SGO2: variants seen among roughly 807,000 people sequenced by gnomAD.
SGO2 encodes shugoshin 2, also known as shugoshin-like 2.
A neutral mutation model predicts 99.5 loss-of-function variants in SGO2; 68 were observed. The ratio of observed to expected loss-of-function variants is 0.68; its 90% CI spans 0.56 to 0.84. The LOEUF (loss-of-function observed/expected upper bound fraction) is 0.84. Among genes scored for constraint, SGO2 ranks in the 40% least tolerant of loss-of-function variants. The probability of loss-of-function intolerance (pLI) is 0.00; values close to 1 mark genes in which losing one functional copy is unlikely to be tolerated. For missense variants in SGO2, 1,350 were observed against 1,436.7 expected (o/e 0.94, Z 0.97); for synonymous variants, 457 against 487.1 (o/e 0.94, Z 0.81).
chr2:200,544,240 G>A (rs2032101333), intron 5 of SGO2, among the ~76,000 whole-genome samples: 1 of 152,100 alleles, frequency 6.6e-6, no homozygotes, highest in Non-Finnish European at 1.5e-5. Flanking sequence ...ATACTACAAT[G>A]TATCCATTCT....
intron 5 of SGO2, among the ~76,000 whole-genome samples, chr2:200,550,707 AT>A (rs2032442936): frequency 6.6e-6 from 1 of 152,176 alleles, no homozygotes; most frequent in African/African-American, 2.4e-5. Flanking sequence ...AAAGATTTGA[AT>A]CTAAGACCCA....
At chr2:200,533,816 C>A (rs2031555291) in intron 2 of SGO2, among the ~76,000 whole-genome samples, 1 of 152,094 alleles carries the variant, frequency 6.6e-6, no homozygotes, top group Non-Finnish European at 1.5e-5. Flanking sequence ...ACAACCCAGC[C>A]TCCTGGGTGC....
At chr2:200,565,901 T>G (rs544841717) in intron 5 of SGO2, among the ~76,000 whole-genome samples, 1 of 152,340 alleles carries the variant, frequency 6.6e-6, no homozygotes, top group East Asian at 1.9e-4. Flanking sequence ...CATGCCATGG[T>G]TTTCAGCTCC....
intron 8 of SGO2, among the ~76,000 whole-genome samples, chr2:200,580,102 A>G (rs187643160): frequency 1.3e-5 from 2 of 152,252 alleles, no homozygotes. Flanking sequence ...TTTTGTGTGT[A>G]TGAAAATTAG....
Position 200,569,835 on chromosome 2 carries a change from G to A in SGO2, c.646G>A (p.Val216Ile), listed in dbSNP as rs752641293. ...VLFLKENNQN[V>I]YGLDDSEHIS... ...ATTTCTTAAAGAAAATAATCAAAAT[G>A]TATATGGTTTAGATGATTCAGAACA... Residue 216 changes from valine (V) to isoleucine (I), a missense_variant, in exon 6 of 9, where the codon GTA becomes ATA. Coordinates refer to ENST00000357799, the MANE Select transcript of SGO2 (RefSeq NM_152524.6). 9.3e-6 allele frequency: 15 copies of A among 1,605,352 alleles called. No individual in the cohort carries two copies. In the Admixed American group the frequency reaches 1.8e-4, roughly 20 times the overall value.
chr2:200,535,032 A>G lies in SGO2; in HGVS notation c.170A>G (p.Asn57Ser), dbSNP rs1327053428. 5.2e-6 allele frequency: 8 copies of G among 1,541,660 alleles called. No homozygotes were observed. The highest frequency in any genetic ancestry group is 6.9e-6 in the Non-Finnish European group (8 of 1,156,434). Reference sequence around the variant, plus strand: ...ATTTTCAAAATATCTTTAAAGCACAACAACAGGGCATTAGCTCAGGCTCTT... The same window carrying G: ...ATTTTCAAAATATCTTTAAAGCACAGCAACAGGGCATTAGCTCAGGCTCTT... Reference protein sequence around the residue: ...SSIFKISLKHNNRALAQALSR... With the variant: ...SSIFKISLKHSNRALAQALSR... Residue 57 changes from asparagine (N) to serine (S), a missense_variant, in exon 3 of 9, where the codon AAC becomes AGC. Transcript: ENST00000357799.
Position 200,548,607 on chromosome 2 carries a change from C to G in SGO2, c.473+5943C>G, listed in dbSNP as rs12104945. 2.0e-3 allele frequency among the ~76,000 whole-genome samples: 305 copies of G among 151,952 alleles called. 1 individual carries two copies. Among genetic ancestry groups the G allele is most frequent in the African/African-American group, 6.9e-3 (287 of 41,438 alleles). On this transcript the variant is annotated intron_variant, in intron 5 of 8. Coordinates refer to ENST00000357799, the MANE Select transcript of SGO2 (RefSeq NM_152524.6). ...CCCAAGTTAGCAGAAGAAATAATAA[C>G]GATCAGAGCAGAAATAAATAAAATT... is the stretch of plus-strand genomic sequence containing the variant.
intron 5 of SGO2, among the ~76,000 whole-genome samples, chr2:200,546,823 G>A (rs919413648): frequency 6.6e-6 from 1 of 151,954 alleles, no homozygotes; most frequent in African/African-American, 2.4e-5. Context: ...CACAGTCAGA[G>A]GAGAAAAATA....
chr2:200,532,873 A>C (rs1373148969), intron 1 of SGO2, 101 bp from the exon 2 acceptor site: 6 of 1,202,490 alleles, frequency 5.0e-6, no homozygotes, highest in East Asian at 2.7e-5. Flanking sequence ...CTTAATGCAC[A>C]AAGTATATTA....
chr2:200,558,401 C>A (rs2032807192), intron 5 of SGO2, among the ~76,000 whole-genome samples: 1 of 151,742 alleles, frequency 6.6e-6, no homozygotes, highest in Non-Finnish European at 1.5e-5. Flanking sequence ...CTAATTTTTT[C>A]TTTTTTCTAT....
intron 8 of SGO2, among the ~76,000 whole-genome samples, chr2:200,578,722 C>T (rs1447559114): frequency 6.6e-6 from 1 of 152,200 alleles, no homozygotes; most frequent in East Asian, 1.9e-4. Context: ...AATGTCATCT[C>T]GGAAGTGAGA....
At chr2:200,562,876 T>C (rs2033029907) in intron 5 of SGO2, among the ~76,000 whole-genome samples, 1 of 152,222 alleles carries the variant, frequency 6.6e-6, no homozygotes, top group African/African-American at 2.4e-5. Flanking sequence ...TATTGGTGTA[T>C]AGGAATGCTT....
intron 5 of SGO2, among the ~76,000 whole-genome samples, chr2:200,567,898 T>C (rs1198403731): frequency 6.6e-6 from 1 of 152,262 alleles, no homozygotes; most frequent in East Asian, 1.9e-4. Context: ...TTGGCTATTA[T>C]GAATAATGCT....
intron 8 of SGO2, among the ~76,000 whole-genome samples, chr2:200,576,734 A>G (rs894736970): frequency 1.3e-5 from 2 of 152,154 alleles, no homozygotes; most frequent in Non-Finnish European, 2.9e-5. Flanking sequence ...GCAACCACTA[A>G]TCAACTTCTT....
intron 8 of SGO2, chr2:200,576,204 G>A: frequency 4.3e-6 from 1 of 234,210 alleles, no homozygotes; most frequent in Non-Finnish European, 8.6e-6. Context: ...GTGAAATTAA[G>A]GACCAAGGGG....
At chr2:200,533,270 G>A (rs2031508903) in intron 2 of SGO2, 162 bp downstream of exon 2, 2 of 690,998 alleles carry the variant, frequency 2.9e-6, no homozygotes, top group Non-Finnish European at 4.4e-6. Flanking sequence ...TTCAACTCCT[G>A]TTAGTTGGGT....
At chr2:200,567,420 T>G (rs560315484) in intron 5 of SGO2, among the ~76,000 whole-genome samples, 1 of 152,378 alleles carries the variant, frequency 6.6e-6, no homozygotes, top group Admixed American at 6.5e-5. Flanking sequence ...TTTCCTTTCT[T>G]GTATTTACTT....
chr2:200,529,673 C>T (rs866353367), intron 1 of SGO2, among the ~76,000 whole-genome samples: 1 of 152,112 alleles, frequency 6.6e-6, no homozygotes, highest in Non-Finnish European at 1.5e-5. Context: ...ATTACGGGCA[C>T]CTGCCACCAC....
chr2:200,571,387 A>G lies in SGO2; in HGVS notation c.1041A>G (p.Gln347=), dbSNP rs773076199. ...AREPNAECMN[Q]IEDNDDFQLQ... is the part of the protein sequence containing the mutation. ...AACCTAATGCAGAGTGCATGAATCAAATTGAGGATAATGATGACTTTCAAT... is the reference window on the plus strand; with the variant it reads ...AACCTAATGCAGAGTGCATGAATCAGATTGAGGATAATGATGACTTTCAAT... The change falls in exon 7 of 9, where the codon CAA becomes CAG. Residue 347 remains glutamine (Q), a synonymous_variant. Transcript: ENST00000357799. 1.9e-6 allele frequency: 3 copies of G among 1,610,506 alleles called. No homozygotes were observed. Among genetic ancestry groups the G allele is most frequent in the East Asian group, 2.2e-5 (1 of 44,766 alleles).
Sources: allele counts gnomAD v4.1 joint callset (sites outside exome capture counted in the v4.1 genomes callset), GRCh38; gene constraint gnomAD v4.1.1; transcripts MANE v1.5; gene names NCBI Gene and HGNC (gene_info 2026-07-23, HGNC 2026-07-21).